SLC4A8: variants seen among roughly 807,000 people sequenced by gnomAD.
SLC4A8 encodes the protein solute carrier family 4 member 8.
Under a neutral mutation model 125.0 loss-of-function variants are expected in SLC4A8, and 40 were observed. The observed-to-expected ratio is 0.32, with a 90% CI of 0.25 to 0.42. The LOEUF is 0.42. Ranked by LOEUF, SLC4A8 falls within the 10% of genes least tolerant of loss-of-function variation. The probability of loss-of-function intolerance (pLI) is 1.00; values close to 1 mark genes in which losing one functional copy is unlikely to be tolerated. For missense variants in SLC4A8, 863 were observed against 1,355.1 expected (o/e 0.64, Z 5.70); for synonymous variants, 456 against 476.0 (o/e 0.96, Z 0.55).
intron 1 of SLC4A8, 81 bp downstream of exon 1, chr12:51,425,116 C>G (rs925825868): frequency 4.0e-6 from 6 of 1,495,200 alleles, no homozygotes; most frequent in Admixed American, 4.2e-5. Context: ...TTCCTTCTGC[C>G]CCCGAGCCCA....
intron 16 of SLC4A8, among the ~76,000 whole-genome samples, chr12:51,476,036 A>G (rs1303809675): frequency 6.6e-6 from 1 of 152,238 alleles, no homozygotes; most frequent in African/African-American, 2.4e-5. Flanking sequence ...GGCCCCCTGA[A>G]GGCCTGGGTT....
chr12:51,474,283 A>G, intron 14 of SLC4A8, 59 bp from the exon 15 acceptor site: 2 of 1,137,820 alleles, frequency 1.8e-6, no homozygotes, highest in South Asian at 3.1e-5. Context: ...TTGTTCTAAA[A>G]ACATTTAACT....
chr12:51,404,144 G>A (rs965252374), intron 1 of SLC4A8, among the ~76,000 whole-genome samples: 2 of 152,132 alleles, frequency 1.3e-5, no homozygotes, highest in African/African-American at 2.4e-5. Context: ...AAAAGCAGAC[G>A]CAAATAGGAC....
At chr12:51,451,793 A>G (rs1441696115) in intron 3 of SLC4A8, among the ~76,000 whole-genome samples, 1 of 152,002 alleles carries the variant, frequency 6.6e-6, no homozygotes, top group Non-Finnish European at 1.5e-5. Context: ...TGTAAAAAAA[A>G]AAAAGAAAAG....
intron 8 of SLC4A8, 106 bp from the exon 9 acceptor site, chr12:51,461,098 A>C: frequency 1.8e-6 from 1 of 541,014 alleles, no homozygotes; most frequent in Non-Finnish European, 3.3e-6. Flanking sequence ...AGGTACAGTG[A>C]TGATTTATGT....
In SLC4A8 at chr12:51,451,303, G is replaced by A. The variant is rs934160313; in HGVS notation, c.277+281G>A. ...TTCACTGTGTTAGCCTGGACGGTCT[G>A]GATCTCCTGACCTTGTGATCCGGTC... On this transcript the variant is annotated intron_variant, in intron 3 of 24. Coordinates refer to ENST00000453097, the MANE Select transcript of SLC4A8 (RefSeq NM_001039960.3). 2.0e-5 allele frequency among the ~76,000 whole-genome samples: 3 copies of A among 152,180 alleles called. No individual in the cohort carries two copies. The South Asian group carries it at 6.2e-4, about 31-fold the overall frequency.
chr12:51,441,310 G>T (rs1435366241), intron 2 of SLC4A8: 1 of 621,962 alleles, frequency 1.6e-6, no homozygotes, highest in African/African-American at 2.0e-5. Context: ...ACATACTCTT[G>T]AGTTCATAAC....
intron 2 of SLC4A8, 86 bp downstream of exon 2, chr12:51,440,875 C>T (rs1949573243): frequency 8.7e-7 from 1 of 1,148,674 alleles, no homozygotes; most frequent in Non-Finnish European, 1.2e-6. Flanking sequence ...CTAACTCTCT[C>T]ACTAGCTGTC....
chr12:51,447,893 T>A (rs1320515251), intron 2 of SLC4A8, among the ~76,000 whole-genome samples: 1 of 151,270 alleles, frequency 6.6e-6, no homozygotes, highest in African/African-American at 2.4e-5. Flanking sequence ...ATTTTTTGTA[T>A]TTTTTTTAGT....
intron 1 of SLC4A8, among the ~76,000 whole-genome samples, chr12:51,431,127 C>T (rs1486880794): frequency 6.6e-6 from 1 of 152,188 alleles, no homozygotes; most frequent in Non-Finnish European, 1.5e-5. Context: ...TCCTCCATCT[C>T]CAAAGCCAGA....
rs376043252 is a variant in SLC4A8 at position 51,397,790 on chromosome 12, G to A, written c.-112+6302G>A. ...CTTAAATTGATGGTGTTATAACTTAGCAGTGTTGGATAATGCCTGTAATCC... is the reference window on the plus strand; with the variant it reads ...CTTAAATTGATGGTGTTATAACTTAACAGTGTTGGATAATGCCTGTAATCC... On this transcript the variant is annotated intron_variant, in intron 1 of 24. Coordinates refer to the SLC4A8 transcript ENST00000358657. Among the ~76,000 whole-genome samples the A allele has an allele frequency of 5.9e-4, 90 of 152,210 alleles. 1 individual carries two copies. The highest frequency in any genetic ancestry group is 1.8e-3 in the African/African-American group (73 of 41,562).
chr12:51,400,799 C>CATATATAA (rs1565749388), intron 1 of SLC4A8, among the ~76,000 whole-genome samples: 3 of 89,288 alleles, frequency 3.4e-5, no homozygotes, highest in East Asian at 3.7e-4. Flanking sequence ...CACACACACA[C>CATATATAA]ACATATATAA....
chr12:51,424,931 C>T lies in SLC4A8; in HGVS notation c.-57C>T. ...GATCTGCTCAGACCCGACCAGAGGG[C>T]GCGGGCTGCTGATGCTTGGCTTGGA... On this transcript the variant is annotated 5_prime_UTR_variant, in exon 1 of 25. Transcript: ENST00000453097. 6.5e-7 allele frequency: 1 copy of T among 1,535,838 alleles called. No individual in the cohort carries two copies. Among genetic ancestry groups the T allele is most frequent in the South Asian group, 1.2e-5 (1 of 83,688 alleles).
At chr12:51,499,624 TACACACACACACAC>T (rs143239328) in intron 22 of SLC4A8, among the ~76,000 whole-genome samples, 3 of 143,236 alleles carry the variant, frequency 2.1e-5, no homozygotes, top group Non-Finnish European at 3.1e-5. Context: ...GCTATAATTC[TACACACACACACAC>T]ACACACACAC....
chr12:51,461,032 T>C (rs1402228661), intron 8 of SLC4A8, among the ~76,000 whole-genome samples, 172 bp from the exon 9 acceptor site: 1 of 152,166 alleles, frequency 6.6e-6, no homozygotes, highest in Non-Finnish European at 1.5e-5. Context: ...GGAGCTATTA[T>C]TAGGTCAAGG....
At chr12:51,411,049 T>G (rs1212722706) in intron 1 of SLC4A8, among the ~76,000 whole-genome samples, 5 of 54,778 alleles carry the variant, frequency 9.1e-5, no homozygotes, top group African/African-American at 1.6e-4. Context: ...CAATCTGTTT[T>G]TTTTTTTTTT....
chr12:51,397,369 G>C (rs1355581350), intron 1 of SLC4A8, among the ~76,000 whole-genome samples: 1 of 152,160 alleles, frequency 6.6e-6, no homozygotes, highest in East Asian at 1.9e-4. Context: ...TTGCCTTAAA[G>C]CCAGGAGCTT....
At chr12:51,395,042 TA>T (rs10557992) in intron 1 of SLC4A8, among the ~76,000 whole-genome samples, 149 of 144,430 alleles carry the variant, frequency 1.0e-3, no homozygotes, top group African/African-American at 2.9e-3. Flanking sequence ...AAAAAATAAA[TA>T]AAAAAAAAAC....
intron 1 of SLC4A8, among the ~76,000 whole-genome samples, chr12:51,403,498 C>T (rs1168752002): frequency 1.3e-5 from 2 of 152,188 alleles, no homozygotes; most frequent in Non-Finnish European, 2.9e-5. Flanking sequence ...GAAAGCAGTG[C>T]ACAGGATAGA....
Sources: allele counts gnomAD v4.1 joint callset (sites outside exome capture counted in the v4.1 genomes callset), GRCh38; gene constraint gnomAD v4.1.1; transcripts MANE v1.5; gene names NCBI Gene and HGNC (gene_info 2026-07-23, HGNC 2026-07-21).